The following HEPHL1 variants were observed in gnomAD, a reference collection of about 807,000 sequenced individuals.
HEPHL1 encodes hephaestin like 1, also known as ferroxidase HEPHL1.
HEPHL1 carries 123 observed loss-of-function variants against 122.0 expected under a neutral mutation model. The ratio of observed to expected loss-of-function variants is 1.01; its 90% CI spans 0.87 to 1.17. The LOEUF is 1.17. HEPHL1 is among the 50% of genes most tolerant of loss of function. The pLI is 0.00. For synonymous variants in HEPHL1, 527 were observed against 508.9 expected (o/e 1.04, Z -0.48); for missense variants, 1,452 against 1,430.5 (o/e 1.01, Z -0.24).
intron 9 of HEPHL1, among the ~76,000 whole-genome samples, chr11:94,075,784 C>G (rs1946118392): frequency 6.6e-6 from 1 of 152,244 alleles, no homozygotes; most frequent in African/African-American, 2.4e-5. Context: ...CTAATTAAAT[C>G]AGAATCTCCA....
chr11:94,056,930 A>G (rs1220076625), intron 2 of HEPHL1, among the ~76,000 whole-genome samples: 1 of 152,062 alleles, frequency 6.6e-6, no homozygotes, highest in Non-Finnish European at 1.5e-5. Context: ...GTCCTTTAGT[A>G]TTCCTTGTAA....
intron 10 of HEPHL1, 51 bp downstream of exon 10, chr11:94,082,619 A>G (rs1946181177): frequency 3.3e-6 from 5 of 1,531,372 alleles, no homozygotes; most frequent in Middle Eastern, 3.5e-4. Context: ...CTTGCATTAG[A>G]AGTGAAAATG....
intron 13 of HEPHL1, among the ~76,000 whole-genome samples, chr11:94,095,255 C>A (rs1946301394): frequency 1.3e-5 from 2 of 152,108 alleles, no homozygotes; most frequent in Admixed American, 6.6e-5. Context: ...AATAGGGAAT[C>A]TTTCCTCATT....
chr11:94,032,627 T>C (rs1945685483), intron 1 of HEPHL1, among the ~76,000 whole-genome samples: 2 of 152,152 alleles, frequency 1.3e-5, no homozygotes, highest in African/African-American at 4.8e-5. Context: ...TAGTCAGGCA[T>C]GAGCAGGGCA....
At chr11:94,080,000 C>T (rs937153020) in intron 9 of HEPHL1, among the ~76,000 whole-genome samples, 1 of 152,108 alleles carries the variant, frequency 6.6e-6, no homozygotes, top group Non-Finnish European at 1.5e-5. Flanking sequence ...CAATCCTAAG[C>T]AAAAGGAACA....
intron 13 of HEPHL1, among the ~76,000 whole-genome samples, chr11:94,097,200 G>C (rs1946323958): frequency 6.6e-6 from 1 of 152,168 alleles, no homozygotes; most frequent in South Asian, 2.1e-4. Flanking sequence ...ATGTGTCCCA[G>C]AGATTCTGGT....
At chr11:94,111,249 A>G (rs1331486554) in intron 18 of HEPHL1, among the ~76,000 whole-genome samples, 184 bp downstream of exon 18, 1 of 152,216 alleles carries the variant, frequency 6.6e-6, no homozygotes. Flanking sequence ...TGCAGAGTAC[A>G]GGGCTTAATA....
chr11:94,064,330 G>T lies in HEPHL1; in HGVS notation c.629-1G>T. The T allele has an allele frequency of 1.9e-6, 3 of 1,607,184 alleles. No homozygotes were observed. Among genetic ancestry groups the T allele is most frequent in the Non-Finnish European group, 2.6e-6 (3 of 1,175,260 alleles). ...TCTACTCTTTTGAATGTGCCTGACA[G>T]GTATCCTGAATAGATATTCAGGGAC... On this transcript the variant is annotated splice_acceptor_variant, in intron 3 of 19. Coordinates refer to ENST00000315765, the MANE Select transcript of HEPHL1 (RefSeq NM_001098672.2). LOFTEE classifies it high-confidence loss of function.
intron 2 of HEPHL1, chr11:94,055,104 A>C (rs10831161): frequency 1.1e-5 from 2 of 187,034 alleles, no homozygotes; most frequent in Non-Finnish European, 2.2e-5. Context: ...GGTATGTAAT[A>C]TCATCTGCAG....
At chr11:94,110,427 GGTT>G (rs1565364862) in intron 17 of HEPHL1, among the ~76,000 whole-genome samples, 1 of 152,152 alleles carries the variant, frequency 6.6e-6, no homozygotes, top group Non-Finnish European at 1.5e-5. Flanking sequence ...TTACTGATAT[GGTT>G]GTTAACTAGA....
chr11:94,060,930 C>A (rs1368648941), intron 2 of HEPHL1, among the ~76,000 whole-genome samples: 1 of 152,102 alleles, frequency 6.6e-6, no homozygotes, highest in Non-Finnish European at 1.5e-5. Flanking sequence ...TAGGAGGTTA[C>A]TACAAAGTCC....
At chr11:94,046,151 G>C (rs76920727) in intron 2 of HEPHL1, among the ~76,000 whole-genome samples, 1 of 127,034 alleles carries the variant, frequency 7.9e-6, no homozygotes, top group Non-Finnish European at 1.6e-5. Flanking sequence ...CTGGAATGCA[G>C]TGGCATGATA....
chr11:94,043,277 A>C (rs947330752), intron 1 of HEPHL1, among the ~76,000 whole-genome samples: 1 of 152,158 alleles, frequency 6.6e-6, no homozygotes, highest in African/African-American at 2.4e-5. Context: ...ACTCTCAGAC[A>C]GACTTCCTCC....
At chr11:94,081,237 T>C (rs1467260412) in intron 9 of HEPHL1, among the ~76,000 whole-genome samples, 1 of 152,100 alleles carries the variant, frequency 6.6e-6, no homozygotes, top group Non-Finnish European at 1.5e-5. Context: ...AAGTGGGAGC[T>C]GAACAATGAG....
At chr11:94,055,954 C>G (rs974315642) in intron 2 of HEPHL1, 1 of 1,316,186 alleles carries the variant, frequency 7.6e-7, no homozygotes, top group Non-Finnish European at 1.1e-6. Flanking sequence ...CCAGTGGACT[C>G]TAACACTTTG....
At chr11:94,104,487 T>C in intron 15 of HEPHL1, 41 bp from the exon 16 acceptor site, 1 of 1,358,420 alleles carries the variant, frequency 7.4e-7, no homozygotes, top group Non-Finnish European at 1.0e-6. Flanking sequence ...ATTATTAAAT[T>C]ACTTAATGGC....
In HEPHL1 at chr11:94,074,832, G is replaced by A. The variant is rs57197587; in HGVS notation, c.1505-342G>A. Among the ~76,000 whole-genome samples, 613 of 152,224 alleles carry A rather than the reference G, an allele frequency of 4.0e-3. 6 individuals carry two copies. Among genetic ancestry groups the A allele is most frequent in the African/African-American group, 0.014 (582 of 41,524 alleles). On this transcript the variant is annotated intron_variant, in intron 8 of 19. Transcript: ENST00000315765. Reference sequence around the variant, plus strand: ...TTGGGTATCTTCTGCAAGACCAAGTGTAATATATTCTACATAGAAAGCATT... The same window carrying A: ...TTGGGTATCTTCTGCAAGACCAAGTATAATATATTCTACATAGAAAGCATT...
intron 13 of HEPHL1, among the ~76,000 whole-genome samples, chr11:94,094,504 G>T (rs935355446): frequency 2.0e-5 from 3 of 152,132 alleles, no homozygotes; most frequent in African/African-American, 7.2e-5. Context: ...AACCCTTTGG[G>T]TATATATCCA....
intron 5 of HEPHL1, among the ~76,000 whole-genome samples, chr11:94,069,234 C>G (rs1946056416): frequency 6.6e-6 from 1 of 152,102 alleles, no homozygotes; most frequent in Non-Finnish European, 1.5e-5. Flanking sequence ...TCTAAATTGT[C>G]CATGCCTTCA....
Sources: allele counts gnomAD v4.1 joint callset (sites outside exome capture counted in the v4.1 genomes callset), GRCh38; gene constraint gnomAD v4.1.1; transcripts MANE v1.5; gene names NCBI Gene and HGNC (gene_info 2026-07-23, HGNC 2026-07-21).